PTPRU: variants seen among roughly 807,000 people sequenced by gnomAD.
PTPRU encodes the protein protein tyrosine phosphatase receptor type U.
A neutral mutation model predicts 166.3 loss-of-function variants in PTPRU; 69 were observed. The ratio of observed to expected loss-of-function variants is 0.41; its 90% confidence interval spans 0.34 to 0.51. The LOEUF (loss-of-function observed/expected upper bound fraction) is 0.51, where lower values mean the gene tolerates loss of function less well. Ranked by LOEUF, PTPRU falls within the 20% of genes least tolerant of loss-of-function variation. The pLI is 0.09. For synonymous variants in PTPRU, 793 were observed against 814.0 expected (o/e 0.97, Z 0.44); for missense variants, 1,657 against 2,013.7 (o/e 0.82, Z 3.39).
chr1:29,301,204 G>A (rs946181164), intron 15 of PTPRU, among the ~76,000 whole-genome samples: 1 of 152,134 alleles, frequency 6.6e-6, no homozygotes, highest in South Asian at 2.1e-4. Context: ...AGGGACATGC[G>A]TACAATCATG....
intron 28 of PTPRU, 121 bp from the exon 29 acceptor site, chr1:29,325,070 T>G (rs1466308041): frequency 7.3e-7 from 1 of 1,362,128 alleles, no homozygotes; most frequent in East Asian, 2.3e-5. Context: ...CCCACCCTTC[T>G]AGATTCCCTA....
chr1:29,264,185 AG>A (rs2151946765), intron 7 of PTPRU, among the ~76,000 whole-genome samples: 1 of 146,366 alleles, frequency 6.8e-6, no homozygotes, highest in South Asian at 2.2e-4. Context: ...AAAAAAAAAA[AG>A]GAGTATTTAT....
In PTPRU at chr1:29,259,458, C is replaced by CA; in HGVS notation, c.570dup (p.His191ThrfsTer86). On this transcript the variant is annotated frameshift_variant, in exon 5 of 30. Transcript: ENST00000373779. LOFTEE classifies it high-confidence loss of function. The stretch of plus-strand genomic sequence containing the variant: ...AGCTCTAACCCCGCAGCAAAGGCCC[C>CA]ACACTTCTCCCGCCTGGGCGACGTG... The CA allele has an allele frequency of 6.2e-7, 1 of 1,611,640 alleles. No individual in the cohort carries two copies. The highest frequency in any genetic ancestry group is 8.5e-7 in the Non-Finnish European group (1 of 1,178,474).
intron 18 of PTPRU, among the ~76,000 whole-genome samples, chr1:29,307,447 A>G (rs1050975942): frequency 6.6e-6 from 1 of 152,190 alleles, no homozygotes; most frequent in Non-Finnish European, 1.5e-5. Context: ...ACAGTCTGTC[A>G]CCTTCCTTCC....
At position 29,317,392 on chromosome 1, in the gene PTPRU, C is replaced by T. The variant is rs374211881; in HGVS notation, c.3514-356C>T. On this transcript the variant is annotated intron_variant, in intron 24 of 29. Coordinates refer to ENST00000373779, the MANE Select transcript of PTPRU (RefSeq NM_133178.4). The surrounding 1 kb of genome is among the most constrained non-coding windows in gnomAD (Gnocchi z 5.6). ...AGTTCCTCACTGTGCCCGTGTGTGC[C>T]GAGCTCAGCCCAGTGCTTGTCATGA... Among the ~76,000 whole-genome samples the T allele has an allele frequency of 4.8e-4, 73 of 152,236 alleles. No homozygotes were observed. The highest frequency in any genetic ancestry group is 1.7e-3 in the Admixed American group (26 of 15,290).
intron 1 of PTPRU, 26 bp from the exon 2 acceptor site, chr1:29,255,249 G>A (rs1474339113): frequency 6.2e-7 from 1 of 1,608,648 alleles, no homozygotes. Context: ...GCCTTAGCCT[G>A]GGCTAACCAG....
At chr1:29,283,844 C>G in intron 12 of PTPRU, 96 bp from the exon 13 acceptor site, 2 of 1,442,366 alleles carry the variant, frequency 1.4e-6, no homozygotes, top group Admixed American at 3.4e-5. Flanking sequence ...AAGACAAAGC[C>G]CTGAACAGGC....
rs1687865326 is a variant in PTPRU at position 29,315,569 on chromosome 1, G to C, written c.3363+62G>C. 1.2e-6 allele frequency: 2 copies of C among 1,604,206 alleles called. No homozygotes were observed. The highest frequency in any genetic ancestry group is 1.3e-5 in the African/African-American group (1 of 74,768). ...TCTAGGACTGGAGTTTCTCGTGAAG[G>C]ATCCTGGAGCCGGCAGAGCATGCCC... On this transcript the variant is annotated intron_variant, in intron 23 of 29. Transcript: ENST00000373779. The surrounding 1 kb of genome is among the most constrained non-coding windows in gnomAD (Gnocchi z 4.5).
At chr1:29,253,452 GA>G (rs1222938503) in intron 1 of PTPRU, among the ~76,000 whole-genome samples, 1 of 152,106 alleles carries the variant, frequency 6.6e-6, no homozygotes, top group African/African-American at 2.4e-5. Context: ...TTGGACAGGT[GA>G]AAGGAGGACA....
chr1:29,300,233 T>G (rs968773697), intron 15 of PTPRU, among the ~76,000 whole-genome samples: 1 of 152,180 alleles, frequency 6.6e-6, no homozygotes, highest in South Asian at 2.1e-4. Context: ...CATCTCTCAG[T>G]GTCTACATTG....
chr1:29,291,977 C>G lies in PTPRU; in HGVS notation c.2427C>G (p.Asp809Glu). 1 of 1,614,170 alleles carries G rather than the reference C, an allele frequency of 6.2e-7. No homozygotes were observed. Among genetic ancestry groups the G allele is most frequent in the Non-Finnish European group, 8.5e-7 (1 of 1,180,036 alleles). Reference protein sequence around the residue: ...SFTDQSTLQEDERLGLSFMDT... With the variant: ...SFTDQSTLQEEERLGLSFMDT... ...CAGACCAGAGCACCCTGCAGGAGGA[C>G]GAGCGGCTGGGCCTGTCCTTCATGG... The change falls in exon 15 of 30, where the codon GAC (aspartate) becomes GAG (glutamate). Residue 809 changes from aspartate (D) to glutamate (E), a missense_variant. Asp to Glu is a conservative substitution (Grantham distance 45). Around this residue, in one of 3 missense-constraint regions of PTPRU, gnomAD observed 1,190 missense variants for 1,477.4 expected, o/e 0.81. Coordinates refer to ENST00000373779, the MANE Select transcript of PTPRU (RefSeq NM_133178.4). This position sits in a 1 kb window ranked among gnomAD's most constrained non-coding sequence, Gnocchi z 4.1.
At chr1:29,297,399 A>AT (rs1686940385) in intron 15 of PTPRU, among the ~76,000 whole-genome samples, 1 of 152,162 alleles carries the variant, frequency 6.6e-6, no homozygotes, top group Non-Finnish European at 1.5e-5. Context: ...ATCAGGAAAC[A>AT]GAGGCTTGGA....
Position 29,312,580 on chromosome 1 carries a change from G to A in PTPRU, c.3101G>A (p.Arg1034His), listed in dbSNP as rs905716408. ...GGCTACTCTGCCCGGCACGAGGTCCGCCAGTTCCACTTCACAGCGTGGCCA... is the reference window on the plus strand; with the variant it reads ...GGCTACTCTGCCCGGCACGAGGTCCACCAGTTCCACTTCACAGCGTGGCCA... ...RRGYSARHEVRQFHFTAWPEH... is the reference protein window; with the variant it reads ...RRGYSARHEVHQFHFTAWPEH... The change falls in exon 22 of 30, where the codon CGC (arginine) becomes CAC (histidine). Residue 1034 changes from arginine to histidine, a missense_variant. Coordinates refer to ENST00000373779, the MANE Select transcript of PTPRU (RefSeq NM_133178.4). The A allele has an allele frequency of 1.9e-6, 3 of 1,599,752 alleles. No individual in the cohort carries two copies. The highest frequency in any genetic ancestry group is 2.2e-5 in the South Asian group (2 of 90,536).
At position 29,303,906 on chromosome 1, in the gene PTPRU, C is replaced by G; in HGVS notation, c.2528C>G (p.Ser843Cys). Residue 843 changes from serine to cysteine, a missense_variant, in exon 16 of 30, where the codon TCC becomes TGC. Ser to Cys is a moderately radical substitution (Grantham distance 112). Coordinates refer to ENST00000373779, the MANE Select transcript of PTPRU (RefSeq NM_133178.4). ...VTEASSLLGG[S>C]PRRPCGRKGS... ...GAGGCCAGCAGCCTCCTGGGGGGCT[C>G]CCCGAGGCGTCCCTGTGGCCGGAAG... 6.2e-7 allele frequency: 1 copy of G among 1,613,764 alleles called. No individual in the cohort carries two copies.
chr1:29,284,931 A>G (rs2151954905), intron 14 of PTPRU, 62 bp downstream of exon 14: 2 of 1,544,260 alleles, frequency 1.3e-6, no homozygotes, highest in Non-Finnish European at 1.7e-6. Flanking sequence ...CTGGTGGCAC[A>G]GAGGAATAGT....
At chr1:29,308,160 A>C (rs1687483355) in intron 18 of PTPRU, among the ~76,000 whole-genome samples, 1 of 151,604 alleles carries the variant, frequency 6.6e-6, no homozygotes, top group African/African-American at 2.4e-5. Context: ...CTTGCTCTGG[A>C]GTGCAGGGGT....
intron 8 of PTPRU, 34 bp from the exon 9 acceptor site, chr1:29,278,978 C>A (rs1574652919): frequency 6.5e-7 from 1 of 1,532,894 alleles, no homozygotes; most frequent in African/African-American, 1.4e-5. Flanking sequence ...CCAAAGCCCA[C>A]TTTCCCCTGG....
At chr1:29,287,506 T>C (rs1291910782) in intron 14 of PTPRU, among the ~76,000 whole-genome samples, 1 of 151,710 alleles carries the variant, frequency 6.6e-6, no homozygotes, top group Non-Finnish European at 1.5e-5. Flanking sequence ...GGAGGAGTGG[T>C]TTGTGGGCAC....
chr1:29,318,768 T>A (rs1016888056), intron 25 of PTPRU, among the ~76,000 whole-genome samples: 2 of 152,174 alleles, frequency 1.3e-5, no homozygotes, highest in South Asian at 4.1e-4. Context: ...GTGCACACTT[T>A]CCAAGGGTAG....
Sources: allele counts gnomAD v4.1 joint callset (sites outside exome capture counted in the v4.1 genomes callset), GRCh38; gene constraint gnomAD v4.1.1; regional missense constraint gnomAD v4.1.1; non-coding constraint Gnocchi (gnomAD v3.1); transcripts MANE v1.5; gene names NCBI Gene and HGNC (gene_info 2026-07-23, HGNC 2026-07-21).